NFIB: variants seen among roughly 807,000 people sequenced by gnomAD.
NFIB encodes the protein nuclear factor 1 B-type.
Under a neutral mutation model 61.5 loss-of-function variants are expected in NFIB, and 11 were observed. The ratio of observed to expected loss-of-function variants is 0.18; its 90% CI spans 0.11 to 0.30. The LOEUF (loss-of-function observed/expected upper bound fraction) is 0.30. NFIB is among the 10% of genes least tolerant of loss of function. The probability of loss-of-function intolerance (pLI) is 1.00; values close to 1 mark genes in which losing one functional copy is unlikely to be tolerated. For synonymous variants in NFIB, 260 were observed against 216.5 expected, an observed-to-expected ratio of 1.20 and a Z score of -1.76; for missense variants, 471 against 608.9, an observed-to-expected ratio of 0.77 and a Z score of 2.38.
chr9:14,275,143 G>T (rs1468794562), intron 2 of NFIB, among the ~76,000 whole-genome samples: 1 of 152,156 alleles, frequency 6.6e-6, no homozygotes, highest in Non-Finnish European at 1.5e-5. Context: ...GCAATGGCTG[G>T]ACCTTGCTCT....
At chr9:14,165,189 T>C (rs2044644277) in intron 3 of NFIB, among the ~76,000 whole-genome samples, 1 of 152,144 alleles carries the variant, frequency 6.6e-6, no homozygotes, top group Non-Finnish European at 1.5e-5. Flanking sequence ...GTATCCTTTA[T>C]CTAGTCTTTA....
intron 1 of NFIB, among the ~76,000 whole-genome samples, chr9:14,375,529 G>C (rs2061408487): frequency 1.3e-5 from 2 of 152,084 alleles, no homozygotes; most frequent in Admixed American, 1.3e-4. Flanking sequence ...GTGGAGGTGG[G>C]CACCTGCAAT....
intron 1 of NFIB, among the ~76,000 whole-genome samples, chr9:14,385,303 T>C (rs1011871538): frequency 6.6e-6 from 1 of 152,178 alleles, no homozygotes. Flanking sequence ...CCACAGTCCA[T>C]CTATTTACAA....
the NFIB span, among the ~76,000 whole-genome samples, chr9:14,514,407 C>A: frequency 6.6e-6 from 1 of 151,796 alleles, no homozygotes; most frequent in African/African-American, 2.4e-5. Flanking sequence ...AAGTAGTTTA[C>A]TGAAAACAAG....
rs1194400502 is a variant in NFIB at position 14,177,427 on chromosome 9, CAA to C, written c.616+2298_616+2299del. Among the ~76,000 whole-genome samples, 3 of 152,018 alleles carry C rather than the reference CAA, an allele frequency of 2.0e-5. No homozygotes were observed. The East Asian group carries it at 5.8e-4, about 29-fold the overall frequency. On this transcript the variant is annotated intron_variant, in intron 3 of 10. Coordinates refer to ENST00000380953, the MANE Select transcript of NFIB (RefSeq NM_001190737.2). ...TAATTTATTTCGAAGTATTACAAAA[CAA>C]ACTCTTAAGCTCATAAAAAATTCTT...
chr9:14,098,404 T>C (rs1482835350), intron 10 of NFIB, among the ~76,000 whole-genome samples: 1 of 152,208 alleles, frequency 6.6e-6, no homozygotes, highest in Non-Finnish European at 1.5e-5. Context: ...TCTAATGTTT[T>C]AAAATAGCTT....
intron 1 of NFIB, among the ~76,000 whole-genome samples, chr9:14,383,932 GTTTCATCCAATCTCCTCACAA>G (rs1005261401): frequency 5.3e-5 from 8 of 152,204 alleles, no homozygotes; most frequent in African/African-American, 1.9e-4. Flanking sequence ...ATACCATCGT[GTTTCATCCAATCTCCTCACAA>G]TTGTATAGGA....
chr9:14,343,892 A>G (rs2060984949), intron 1 of NFIB, among the ~76,000 whole-genome samples: 1 of 152,002 alleles, frequency 6.6e-6, no homozygotes, highest in Admixed American at 6.6e-5. Flanking sequence ...AACATGAAGA[A>G]TGGTTAAAAA....
At chr9:14,140,829 G>A (rs947628176) in intron 6 of NFIB, among the ~76,000 whole-genome samples, 1 of 152,150 alleles carries the variant, frequency 6.6e-6, no homozygotes, top group African/African-American at 2.4e-5. Flanking sequence ...AGCTACCTGT[G>A]AAGCTGAGGT....
chr9:14,090,791 G>A (rs536449199), intron 10 of NFIB, among the ~76,000 whole-genome samples: 2 of 152,092 alleles, frequency 1.3e-5, no homozygotes, highest in Non-Finnish European at 2.9e-5. Flanking sequence ...TTTGGAGATT[G>A]CATGCTTTAG....
At chr9:14,507,335 G>T in the NFIB span, among the ~76,000 whole-genome samples, 3 of 152,200 alleles carry the variant, frequency 2.0e-5, no homozygotes, top group Admixed American at 6.5e-5. Context: ...GAGCTTTAAA[G>T]ATGTATTTTC....
At chr9:14,507,958 ACAGAC>A in the NFIB span, among the ~76,000 whole-genome samples, 1 of 141,488 alleles carries the variant, frequency 7.1e-6, no homozygotes, top group Non-Finnish European at 1.5e-5. Context: ...AGACACAGAC[ACAGAC>A]ACACACAAAC....
the NFIB span, among the ~76,000 whole-genome samples, chr9:14,510,501 T>C: frequency 6.6e-6 from 1 of 152,236 alleles, no homozygotes; most frequent in Non-Finnish European, 1.5e-5. Context: ...TATATTAATA[T>C]CAAAACCACA....
intron 2 of NFIB, among the ~76,000 whole-genome samples, chr9:14,238,161 G>A (rs569399060): frequency 6.6e-6 from 1 of 151,990 alleles, no homozygotes; most frequent in Admixed American, 6.6e-5. Flanking sequence ...CCCTACCTAC[G>A]ATCATCTGAG....
intron 2 of NFIB, among the ~76,000 whole-genome samples, chr9:14,208,882 AAT>A (rs1367173157): frequency 6.6e-6 from 1 of 152,176 alleles, no homozygotes; most frequent in African/African-American, 2.4e-5. Context: ...TTTAGTTTCC[AAT>A]ATGATATTAT....
chr9:14,116,870 A>C (rs1226671424), intron 8 of NFIB, among the ~76,000 whole-genome samples: 1 of 152,240 alleles, frequency 6.6e-6, no homozygotes, highest in African/African-American at 2.4e-5. Context: ...CATCATTTAC[A>C]GTCAAGAACC....
intron 10 of NFIB, among the ~76,000 whole-genome samples, chr9:14,092,292 A>C (rs1342827555): frequency 6.6e-6 from 1 of 152,118 alleles, no homozygotes; most frequent in African/African-American, 2.4e-5. Flanking sequence ...CACAAAGGCA[A>C]AACTTCCAGA....
At chr9:14,392,007 C>T (rs1410232295) in intron 1 of NFIB, among the ~76,000 whole-genome samples, 1 of 152,174 alleles carries the variant, frequency 6.6e-6, no homozygotes, top group Non-Finnish European at 1.5e-5. Flanking sequence ...GGTGGATTCT[C>T]TGCTGGTAAC....
chr9:14,502,214 T>C, the NFIB span, among the ~76,000 whole-genome samples: 1 of 152,176 alleles, frequency 6.6e-6, no homozygotes, highest in Non-Finnish European at 1.5e-5. Context: ...CAAAATGTAT[T>C]ATTCTCCACA....
Sources: gnomAD v4.1 joint callset for allele counts (sites outside exome capture counted in the v4.1 genomes callset) on GRCh38, gnomAD v4.1.1 for gene constraint, MANE v1.5 for transcripts, NCBI Gene and HGNC (gene_info 2026-07-23, HGNC 2026-07-21) for gene names.